Variants in TRUB1 observed in about 807,000 individuals in gnomAD.
TRUB1 encodes pseudouridylate synthase TRUB1.
In TRUB1, 23 loss-of-function variants were observed where a neutral mutation model predicts 33.9. The ratio of observed to expected loss-of-function variants is 0.68; its 90% CI spans 0.49 to 0.96. TRUB1 has a LOEUF of 0.96. Among genes scored for constraint, TRUB1 ranks in the 40% least tolerant of loss-of-function variants. TRUB1 has a pLI of 0.00. For missense variants in TRUB1, 378 were observed against 422.2 expected (o/e 0.90, Z 0.92); for synonymous variants, 163 against 165.4 (o/e 0.99, Z 0.11).
intron 2 of TRUB1, among the ~76,000 whole-genome samples, chr10:114,950,026 G>A (rs1358800916): frequency 6.6e-6 from 1 of 150,744 alleles, no homozygotes; most frequent in East Asian, 2.0e-4. Context: ...AGCCTCCCAA[G>A]TAGCTGGGAT....
chr10:114,947,587 CTA>C (rs549924360), intron 2 of TRUB1, among the ~76,000 whole-genome samples: 81 of 152,190 alleles, frequency 5.3e-4, no homozygotes, highest in African/African-American at 1.9e-3. Context: ...AGCTTTTTGT[CTA>C]TGCAGATTTT....
At chr10:114,952,531 A>T (rs191783502) in intron 3 of TRUB1, among the ~76,000 whole-genome samples, 1 of 152,320 alleles carries the variant, frequency 6.6e-6, no homozygotes, top group East Asian at 1.9e-4. Context: ...ATAGATACAT[A>T]GATTGATTGA....
At chr10:114,974,900 G>A (rs951949057) in intron 7 of TRUB1, among the ~76,000 whole-genome samples, 1 of 152,060 alleles carries the variant, frequency 6.6e-6, no homozygotes, top group Non-Finnish European at 1.5e-5. Flanking sequence ...ATGTGTGCAA[G>A]TTCTTTGTTG....
intron 4 of TRUB1, among the ~76,000 whole-genome samples, chr10:114,966,072 A>T (rs1251491055): frequency 6.6e-6 from 1 of 152,110 alleles, no homozygotes; most frequent in Non-Finnish European, 1.5e-5. Flanking sequence ...TTAAAAATTA[A>T]TATACATTCA....
chr10:114,947,378 A>G (rs1453593126), intron 2 of TRUB1, among the ~76,000 whole-genome samples: 5 of 152,222 alleles, frequency 3.3e-5, no homozygotes, highest in Non-Finnish European at 5.9e-5. Flanking sequence ...AGCAATAGGA[A>G]AGGAATACAC....
intron 2 of TRUB1, among the ~76,000 whole-genome samples, chr10:114,945,659 ACAT>A (rs2084208026): frequency 1.3e-5 from 2 of 152,164 alleles, no homozygotes; most frequent in South Asian, 4.1e-4. Context: ...CTTTCTTAAA[ACAT>A]CATGAGTTTT....
intron 5 of TRUB1, 90 bp from the exon 6 acceptor site, chr10:114,972,044 TA>T: frequency 1.4e-6 from 2 of 1,452,124 alleles, no homozygotes. Flanking sequence ...CTTTCCATGC[TA>T]AATCTGAAAT....
intron 2 of TRUB1, 147 bp from the exon 3 acceptor site, chr10:114,950,947 T>G (rs892994355): frequency 1.2e-5 from 7 of 591,136 alleles, no homozygotes; most frequent in Non-Finnish European, 2.1e-5. Context: ...CTGTTTGGAG[T>G]AATAGGAGCC....
At chr10:114,965,458 T>G (rs1309059564) in intron 4 of TRUB1, among the ~76,000 whole-genome samples, 1 of 152,174 alleles carries the variant, frequency 6.6e-6, no homozygotes, top group African/African-American at 2.4e-5. Context: ...TTGTTGCATT[T>G]GTTTTGCTAA....
intron 2 of TRUB1, among the ~76,000 whole-genome samples, chr10:114,949,576 C>A (rs1479219122): frequency 1.3e-5 from 2 of 152,100 alleles, no homozygotes; most frequent in Non-Finnish European, 2.9e-5. Flanking sequence ...CACTGGGACC[C>A]TACTAAGGAT....
chr10:114,959,610 C>G lies in TRUB1; in HGVS notation c.442-116C>G, dbSNP rs529852978. The G allele has an allele frequency of 4.3e-5, 30 of 701,550 alleles. No individual in the cohort carries two copies. The Admixed American group carries it at 7.3e-4, about 17-fold the overall frequency. 43.5% of individuals were successfully genotyped at this position (701,550 alleles called of 1,614,324 possible). A position where few individuals can be genotyped will look rare whatever the true frequency, so the allele number is the denominator to read the frequency against. On this transcript the variant is annotated intron_variant, in intron 3 of 7. Transcript: ENST00000298746. ...AAACAATTGCAGTCTGTTGTTTTAG[C>G]CTGTATTTTGTATCAGGTTGGTAGT...
Position 114,977,634 on chromosome 10 carries a change from A to T in TRUB1, c.*2255A>T, listed in dbSNP as rs1265817239. The stretch of plus-strand genomic sequence containing the variant: ...TTGCTTTTATGTGATTTATCTGTAT[A>T]CTTTGTTCATTTATATAAATAAATG... On this transcript the variant is annotated 3_prime_UTR_variant, in exon 8 of 8. Transcript: ENST00000298746. The T allele has an allele frequency of 1.3e-5, 2 of 151,986 alleles. No homozygotes were observed. The highest frequency in any genetic ancestry group is 4.8e-5 in the African/African-American group (2 of 41,430). The allele number at this position is 151,986 out of a possible 1,614,324, so 9.4% of individuals were successfully genotyped here.
intron 2 of TRUB1, among the ~76,000 whole-genome samples, chr10:114,949,459 A>G (rs1342776664): frequency 6.6e-6 from 1 of 152,194 alleles, no homozygotes; most frequent in Non-Finnish European, 1.5e-5. Context: ...GATGAGTGTC[A>G]TAGAGGTTTT....
Position 114,975,396 on chromosome 10 carries a change from T to C in TRUB1, c.*17T>C, listed in dbSNP as rs367763476. 5 of 1,519,084 alleles carry C rather than the reference T, an allele frequency of 3.3e-6. No homozygotes were observed. In the African/African-American group the frequency reaches 7.0e-5, roughly 21 times the overall value. The allele number at this position is 1,519,084 out of a possible 1,614,324, so 94.1% of individuals were successfully genotyped here. A position where few individuals can be genotyped will look rare whatever the true frequency, so the allele number is the denominator to read the frequency against. On this transcript the variant is annotated 3_prime_UTR_variant, in exon 8 of 8. Coordinates refer to ENST00000298746, the MANE Select transcript of TRUB1 (RefSeq NM_139169.5). ...ACGTGTTGAGATTGGCCTGGGAATA[T>C]CATCATTTTCTAGTTGACATTTGAA...
chr10:114,948,769 A>G (rs1462943378), intron 2 of TRUB1, among the ~76,000 whole-genome samples: 1 of 152,222 alleles, frequency 6.6e-6, no homozygotes, highest in Non-Finnish European at 1.5e-5. Context: ...TAGCTCAGAA[A>G]CCATCATGAG....
intron 1 of TRUB1, among the ~76,000 whole-genome samples, chr10:114,941,336 T>C (rs1487004203): frequency 3.7e-5 from 5 of 133,986 alleles, no homozygotes; most frequent in Non-Finnish European, 8.7e-5. Flanking sequence ...TTTTGCATTA[T>C]CTTTTTTTTT....
At chr10:114,940,676 A>T (rs1485682059) in intron 1 of TRUB1, among the ~76,000 whole-genome samples, 1 of 152,220 alleles carries the variant, frequency 6.6e-6, no homozygotes, top group Non-Finnish European at 1.5e-5. Flanking sequence ...TAGAGGCAGT[A>T]CGTCTGCAAG....
chr10:114,952,351 G>A (rs1465736263), intron 3 of TRUB1, among the ~76,000 whole-genome samples: 1 of 152,210 alleles, frequency 6.6e-6, no homozygotes, highest in African/African-American at 2.4e-5. Context: ...TGAGGCAGGA[G>A]AATCACTTGA....
intron 7 of TRUB1, 138 bp from the exon 8 acceptor site, chr10:114,974,985 T>G (rs1288208636): frequency 3.1e-6 from 3 of 962,368 alleles, no homozygotes; most frequent in Non-Finnish European, 4.5e-6. Context: ...TGAGGCCTCT[T>G]GGTTCTTATA....
Sources: gnomAD v4.1 joint callset for allele counts (sites outside exome capture counted in the v4.1 genomes callset) on GRCh38, gnomAD v4.1.1 for gene constraint, MANE v1.5 for transcripts, NCBI Gene and HGNC (gene_info 2026-07-23, HGNC 2026-07-21) for gene names.